VPS13C: variants seen among roughly 807,000 people sequenced by gnomAD.
The protein encoded by VPS13C is vacuolar protein sorting 13 homolog C.
Under a neutral mutation model 456.8 loss-of-function variants are expected in VPS13C, and 358 were observed. That is an observed-to-expected ratio of 0.78 (90% CI 0.72 to 0.86). The LOEUF (loss-of-function observed/expected upper bound fraction) is 0.86, where lower values mean the gene tolerates loss of function less well. VPS13C is among the 40% of genes least tolerant of loss of function. The probability of loss-of-function intolerance (pLI) is 0.00; values close to 1 mark genes in which losing one functional copy is unlikely to be tolerated. For synonymous variants in VPS13C, 1,578 were observed against 1,486.7 expected, an observed-to-expected ratio of 1.06 and a Z score of -1.41; for missense variants, 4,818 against 4,385.4, an observed-to-expected ratio of 1.10 and a Z score of -2.79.
intron 29 of VPS13C, among the ~76,000 whole-genome samples, chr15:61,967,002 C>T (rs1423522692): frequency 1.3e-5 from 2 of 151,886 alleles, no homozygotes; most frequent in Non-Finnish European, 2.9e-5. Context: ...CTATTCATGG[C>T]ATTTGTCTTC....
At chr15:62,021,700 G>A (rs1010862615) in intron 8 of VPS13C, among the ~76,000 whole-genome samples, 10 of 151,820 alleles carry the variant, frequency 6.6e-5, no homozygotes, top group East Asian at 1.9e-4. Flanking sequence ...TGAGAAGTAC[G>A]AATAGCTTTA....
intron 65 of VPS13C, 147 bp from the exon 66 acceptor site, chr15:61,907,537 TA>T: frequency 9.5e-7 from 1 of 1,050,236 alleles, no homozygotes; most frequent in South Asian, 1.7e-5. Flanking sequence ...ACAAGTACCC[TA>T]AAATATCTAA....
chr15:62,045,923 G>C (rs866834798), intron 1 of VPS13C, among the ~76,000 whole-genome samples: 1 of 152,098 alleles, frequency 6.6e-6, no homozygotes, highest in East Asian at 1.9e-4. Context: ...AGAATGCCCA[G>C]ATTGACCTAA....
chr15:62,000,715 C>T (rs1309184755), intron 15 of VPS13C, 89 bp from the exon 16 acceptor site: 2 of 985,492 alleles, frequency 2.0e-6, no homozygotes, highest in Non-Finnish European at 1.5e-6. Flanking sequence ...ATATCTAGTC[C>T]ATTATCAGTA....
chr15:61,947,786 T>C (rs1236749157), intron 42 of VPS13C, among the ~76,000 whole-genome samples: 1 of 152,190 alleles, frequency 6.6e-6, no homozygotes, highest in Non-Finnish European at 1.5e-5. Context: ...ACATGATAAA[T>C]TTCTCCAGAT....
intron 47 of VPS13C, among the ~76,000 whole-genome samples, chr15:61,939,993 C>CAA (rs1166194792): frequency 1.5e-3 from 141 of 94,316 alleles, no homozygotes; most frequent in African/African-American, 4.3e-3. Flanking sequence ...GACTCCGTCT[C>CAA]AAAAAAAAAA....
At chr15:62,032,838 A>G (rs2047863750) in intron 5 of VPS13C, among the ~76,000 whole-genome samples, 1 of 151,772 alleles carries the variant, frequency 6.6e-6, no homozygotes, top group Admixed American at 6.6e-5. Flanking sequence ...TCATCACTCT[A>G]TAGACTACTC....
In VPS13C at chr15:62,022,102, C is replaced by G. The variant is rs2047483554; in HGVS notation, c.624+1309G>C. 2.6e-5 allele frequency among the ~76,000 whole-genome samples: 4 copies of G among 151,832 alleles called. No individual in the cohort carries two copies. In the South Asian group the frequency reaches 8.3e-4, roughly 32 times the overall value. On this transcript the variant is annotated intron_variant, in intron 8 of 84. Coordinates refer to ENST00000644861, the MANE Select transcript of VPS13C (RefSeq NM_020821.3). ...TAGTGCTGAAATGAACAAGGGAATG[C>G]TGACATCTCTTTGACATACTGACTT...
At chr15:62,007,509 T>G in intron 14 of VPS13C, 30 bp from the exon 15 acceptor site, 1 of 1,529,944 alleles carries the variant, frequency 6.5e-7, no homozygotes, top group Non-Finnish European at 8.8e-7. Flanking sequence ...AACGTAAATG[T>G]TAATATAAAG....
chr15:61,937,628 C>T (rs1275802204), intron 47 of VPS13C, among the ~76,000 whole-genome samples: 3 of 152,304 alleles, frequency 2.0e-5, no homozygotes, highest in Admixed American at 2.0e-4. Flanking sequence ...GCGCCCGCCA[C>T]CACGCCCGGC....
rs532805448 is a variant in VPS13C at position 61,956,346 on chromosome 15, G to A, written c.4166-1792C>T. Among the ~76,000 whole-genome samples the A allele has an allele frequency of 7.9e-5, 12 of 151,938 alleles. No homozygotes were observed. The East Asian group carries it at 2.3e-3, about 29-fold the overall frequency. ...ACTAGAGGGGAGAGGGGGGGACTGG[G>A]GGAGGGCTGAAAAACTACCTATCAG... On this transcript the variant is annotated intron_variant, in intron 37 of 84. Transcript: ENST00000644861.
chr15:61,910,602 GA>G (rs2043276748), intron 63 of VPS13C, among the ~76,000 whole-genome samples: 1 of 151,960 alleles, frequency 6.6e-6, no homozygotes. Context: ...TTTAATTATT[GA>G]AAAATTATAT....
Position 62,012,178 on chromosome 15 carries a change from T to G in VPS13C, c.826-14A>C. 2 of 1,502,182 alleles carry G rather than the reference T, an allele frequency of 1.3e-6. No homozygotes were observed. Among genetic ancestry groups the G allele is most frequent in the Non-Finnish European group, 1.8e-6 (2 of 1,085,640 alleles). 93.1% of individuals were successfully genotyped at this position (1,502,182 alleles called of 1,614,324 possible). A position where few individuals can be genotyped will look rare whatever the true frequency, so the allele number is the denominator to read the frequency against. On this transcript the variant is annotated splice_polypyrimidine_tract_variant and intron_variant, in intron 11 of 84. Transcript: ENST00000644861. Reference sequence around the variant, plus strand: ...TTTCAGCTGATCCTAAACAAAAAATTTGAATGAGAATGAAAAAGAAAATGC... The same window carrying G: ...TTTCAGCTGATCCTAAACAAAAAATGTGAATGAGAATGAAAAAGAAAATGC...
chr15:62,015,855 G>A (rs2047222688), intron 9 of VPS13C, among the ~76,000 whole-genome samples: 2 of 138,526 alleles, frequency 1.4e-5, no homozygotes, highest in East Asian at 4.2e-4. Flanking sequence ...AGTGGGTGCA[G>A]CGCACCAGCA....
At chr15:61,968,508 C>A (rs183608859) in intron 28 of VPS13C, among the ~76,000 whole-genome samples, 1 of 152,056 alleles carries the variant, frequency 6.6e-6, no homozygotes, top group Admixed American at 6.6e-5. Flanking sequence ...CCCACAGGTA[C>A]CAAGGGACGA....
chr15:61,915,982 G>A lies in VPS13C; in HGVS notation c.8096C>T (p.Ala2699Val), dbSNP rs773677990. ...ETHELAEGST[A>V]DVLHSRISGE... is the part of the protein sequence containing the mutation. ...ACTGATTCTCGAATGCAGAACATCA[G>A]CAGTACTGCCTTCTGCCAGCTCATG... The change falls in exon 61 of 85, where the codon GCT (alanine) becomes GTT (valine). Residue 2699 changes from alanine (A) to valine (V), a missense_variant. Physicochemically the swap from Ala to Val is moderately conservative, Grantham distance 64 (BLOSUM62 0). Coordinates refer to ENST00000644861, the MANE Select transcript of VPS13C (RefSeq NM_020821.3). 1 of 1,610,366 alleles carries A rather than the reference G, an allele frequency of 6.2e-7. No individual in the cohort carries two copies. Among genetic ancestry groups the A allele is most frequent in the South Asian group, 1.1e-5 (1 of 90,926 alleles).
At chr15:61,956,639 T>C (rs1030043156) in intron 37 of VPS13C, among the ~76,000 whole-genome samples, 4 of 152,128 alleles carry the variant, frequency 2.6e-5, no homozygotes, top group African/African-American at 9.7e-5. Flanking sequence ...AATAGTTGTA[T>C]GATAGAATGG....
Position 61,929,790 on chromosome 15 carries a change from A to G in VPS13C, c.6039-42T>C, listed in dbSNP as rs80349926. ...TATTCATTATTTTATTCTTGCTAAA[A>G]CAATAAAAAAGATGAAGAATTTCCT... On this transcript the variant is annotated intron_variant, in intron 50 of 84. Coordinates refer to ENST00000644861, the MANE Select transcript of VPS13C (RefSeq NM_020821.3). 2.3e-3 allele frequency: 3,479 copies of G among 1,540,490 alleles called. 79 individuals carry two copies. The African/African-American group carries it at 0.043, about 19-fold the overall frequency.
chr15:62,010,218 G>T lies in VPS13C; in HGVS notation c.1011+254C>A, dbSNP rs149658435. Among the ~76,000 whole-genome samples, 349 of 151,990 alleles carry T rather than the reference G, an allele frequency of 2.3e-3. 1 individual carries two copies. The highest frequency in any genetic ancestry group is 7.4e-3 in the African/African-American group (305 of 41,462). On this transcript the variant is annotated intron_variant, in intron 13 of 84. Coordinates refer to ENST00000644861, the MANE Select transcript of VPS13C (RefSeq NM_020821.3). ...AAAAAAAAATCTTCCATCAACAATTGTGAGTCAAATGGAAATAATGTCATT... is the reference window on the plus strand; with the variant it reads ...AAAAAAAAATCTTCCATCAACAATTTTGAGTCAAATGGAAATAATGTCATT...
Sources: gnomAD v4.1 joint callset for allele counts (sites outside exome capture counted in the v4.1 genomes callset) on GRCh38, gnomAD v4.1.1 for gene constraint, MANE v1.5 for transcripts, NCBI Gene and HGNC (gene_info 2026-07-23, HGNC 2026-07-21) for gene names.